The following TAF3 variants were observed in gnomAD, a reference collection of about 807,000 sequenced individuals.
TAF3 encodes TATA-box binding protein associated factor 3.
In TAF3, 7 loss-of-function variants were observed where a neutral mutation model predicts 80.6. The observed-to-expected ratio is 0.09, with a 90% confidence interval of 0.05 to 0.16. The LOEUF is 0.16. TAF3 is among the 10% of genes least tolerant of loss of function. The pLI is 1.00. For missense variants in TAF3, 921 were observed against 1,140.2 expected (o/e 0.81, Z 2.77); for synonymous variants, 444 against 446.1 (o/e 1.00, Z 0.06).
intron 2 of TAF3, among the ~76,000 whole-genome samples, chr10:7,874,057 A>C (rs2131148322): frequency 6.6e-6 from 1 of 152,350 alleles, no homozygotes; most frequent in Middle Eastern, 3.4e-3. Context: ...AATAGGTAAT[A>C]GTAAGTGCAT....
intron 2 of TAF3, among the ~76,000 whole-genome samples, chr10:7,855,632 T>C (rs1395527743): frequency 6.6e-6 from 1 of 152,198 alleles, no homozygotes; most frequent in Non-Finnish European, 1.5e-5. Flanking sequence ...TCCCAAGCCC[T>C]GAGTCCCACT....
At chr10:7,959,659 A>C (rs546274868) in intron 2 of TAF3, among the ~76,000 whole-genome samples, 1 of 152,230 alleles carries the variant, frequency 6.6e-6, no homozygotes, top group Non-Finnish European at 1.5e-5. Context: ...CTAAATTCAA[A>C]GTAAACCAAT....
intron 2 of TAF3, among the ~76,000 whole-genome samples, chr10:7,875,753 G>C (rs902759364): frequency 2.0e-5 from 3 of 151,932 alleles, no homozygotes; most frequent in Non-Finnish European, 4.4e-5. Flanking sequence ...TACTCAAAAA[G>C]GAAAAGAAAG....
intron 2 of TAF3, among the ~76,000 whole-genome samples, chr10:7,948,278 CAAG>C (rs1237754044): frequency 6.5e-5 from 9 of 139,286 alleles, no homozygotes; most frequent in Non-Finnish European, 1.5e-5. Flanking sequence ...TTTTTAGAGA[CAAG>C]ATCTTTCTTG....
chr10:7,992,262 C>T (rs1410745402), intron 4 of TAF3, among the ~76,000 whole-genome samples: 1 of 152,150 alleles, frequency 6.6e-6, no homozygotes, highest in Admixed American at 6.5e-5. Context: ...GAAAGGAACC[C>T]TCAAAGTACC....
chr10:7,960,252 A>G (rs115827152), intron 2 of TAF3, among the ~76,000 whole-genome samples: 1,695 of 152,240 alleles, frequency 0.011, 33 homozygotes, highest in African/African-American at 0.038. Flanking sequence ...TCTCATGTTT[A>G]TCTGTTGGCA....
chr10:7,964,110 TAAAGGGGAC>T lies in TAF3; in HGVS notation c.602_610del (p.Lys201_Asp203del). 1.2e-6 allele frequency: 2 copies of T among 1,614,044 alleles called. No individual in the cohort carries two copies. The highest frequency in any genetic ancestry group is 1.7e-6 in the Non-Finnish European group (2 of 1,179,998). On this transcript the variant is annotated inframe_deletion, in exon 3 of 7. Coordinates refer to ENST00000344293, the MANE Select transcript of TAF3 (RefSeq NM_031923.4). The surrounding 1 kb of genome is among the most constrained non-coding windows in gnomAD (Gnocchi z 4.1). ...TGAAGCGGCCTCGGCTATTAAGCAC[TAAAGGGGAC>T]ACGCTAGATGTTGTGTTATTGGAAG... is the stretch of plus-strand genomic sequence containing the variant.
At chr10:7,967,470 G>C (rs1831584756) in intron 3 of TAF3, among the ~76,000 whole-genome samples, 1 of 152,206 alleles carries the variant, frequency 6.6e-6, no homozygotes, top group Non-Finnish European at 1.5e-5. Flanking sequence ...CAAAGGCTCA[G>C]TCCCTCGAAG....
At chr10:7,908,592 A>G (rs988671998) in intron 2 of TAF3, among the ~76,000 whole-genome samples, 2 of 152,182 alleles carry the variant, frequency 1.3e-5, no homozygotes, top group Non-Finnish European at 2.9e-5. Flanking sequence ...AATCTGGGTT[A>G]CCGAGCGCTT....
At chr10:8,000,649 C>T (rs1240790938) in intron 4 of TAF3, among the ~76,000 whole-genome samples, 4 of 151,960 alleles carry the variant, frequency 2.6e-5, no homozygotes, top group East Asian at 3.9e-4. Context: ...CATGGTGGCA[C>T]GCACCTGTAG....
intron 2 of TAF3, among the ~76,000 whole-genome samples, chr10:7,917,484 AG>A (rs1837721849): frequency 6.6e-6 from 1 of 152,214 alleles, no homozygotes; most frequent in Non-Finnish European, 1.5e-5. Flanking sequence ...TGGATTTGAG[AG>A]GGAGGCAGGG....
chr10:7,997,374 A>G (rs950474056), intron 4 of TAF3, among the ~76,000 whole-genome samples: 8 of 152,258 alleles, frequency 5.3e-5, no homozygotes, highest in Non-Finnish European at 1.0e-4. Flanking sequence ...CAATAGCTGA[A>G]TAATGAGGAT....
At chr10:7,855,186 C>T (rs1454826268) in intron 2 of TAF3, among the ~76,000 whole-genome samples, 2 of 152,114 alleles carry the variant, frequency 1.3e-5, no homozygotes, top group Non-Finnish European at 2.9e-5. Context: ...CATCCAGAGC[C>T]CCAGGCTTTG....
chr10:7,890,875 T>C (rs1200551069), intron 2 of TAF3, among the ~76,000 whole-genome samples: 1 of 152,268 alleles, frequency 6.6e-6, no homozygotes, highest in Non-Finnish European at 1.5e-5. Flanking sequence ...AAGTCTCTTT[T>C]TACATTCATA....
At chr10:7,825,565 C>A (rs61833207) in intron 2 of TAF3, among the ~76,000 whole-genome samples, 46,699 of 150,452 alleles carry the variant, frequency 0.31, 8,025 homozygotes, top group Non-Finnish European at 0.39. Flanking sequence ...TTCTAGGTAC[C>A]TTTTATAAAT....
chr10:8,015,868 AC>A lies in TAF3; in HGVS notation c.*1118del, dbSNP rs1281113634. ...GTTTCCATGAAAGTAAAAAAAAAAA[AC>A]AACAAAAAACCCACATATACTGTAG... On this transcript the variant is annotated 3_prime_UTR_variant, in exon 7 of 7. Transcript: ENST00000344293. The A allele has an allele frequency of 4.6e-5, 7 of 151,568 alleles. No homozygotes were observed. The highest frequency in any genetic ancestry group is 8.8e-5 in the Non-Finnish European group (6 of 67,920). The allele number at this position is 151,568 out of a possible 1,614,324, so 9.4% of individuals were successfully genotyped here. A position where few individuals can be genotyped will look rare whatever the true frequency, so the allele number is the denominator to read the frequency against.
intron 2 of TAF3, among the ~76,000 whole-genome samples, chr10:7,910,326 A>C (rs1247900107): frequency 6.7e-6 from 1 of 148,898 alleles, no homozygotes; most frequent in Non-Finnish European, 1.5e-5. Flanking sequence ...TACAACATAC[A>C]AACATCTAAA....
At chr10:7,994,639 C>T (rs1208065279) in intron 4 of TAF3, among the ~76,000 whole-genome samples, 2 of 152,130 alleles carry the variant, frequency 1.3e-5, no homozygotes, top group South Asian at 2.1e-4. Flanking sequence ...TGAACCACTG[C>T]GCCCAGCCAC....
intron 2 of TAF3, among the ~76,000 whole-genome samples, chr10:7,943,311 T>C (rs1187540865): frequency 1.3e-5 from 2 of 152,192 alleles, no homozygotes; most frequent in South Asian, 4.1e-4. Flanking sequence ...CATTGCAAAC[T>C]CTGACATTTT....
Sources: gnomAD v4.1 joint callset for allele counts (sites outside exome capture counted in the v4.1 genomes callset) on GRCh38, gnomAD v4.1.1 for gene constraint, Gnocchi (gnomAD v3.1) non-coding constraint, MANE v1.5 for transcripts, NCBI Gene and HGNC (gene_info 2026-07-23, HGNC 2026-07-21) for gene names.